ATL1: variants seen among roughly 807,000 people sequenced by gnomAD.
The protein encoded by ATL1 is atlastin GTPase 1, also known as atlastin-1.
A neutral mutation model predicts 75.5 loss-of-function variants in ATL1; 31 were observed. That is an observed-to-expected ratio of 0.41 (90% CI 0.31 to 0.55). ATL1 has a LOEUF of 0.55. Among genes scored for constraint, ATL1 ranks in the 20% least tolerant of loss-of-function variants. The pLI is 0.27. For missense variants in ATL1, 405 were observed against 662.6 expected, an observed-to-expected ratio of 0.61 and a Z score of 4.27; for synonymous variants, 226 against 233.3, an observed-to-expected ratio of 0.97 and a Z score of 0.28.
chr14:50,536,794 A>G (rs1388130469), intron 1 of ATL1, among the ~76,000 whole-genome samples: 1 of 152,158 alleles, frequency 6.6e-6, no homozygotes. Context: ...CTTGAGAGAG[A>G]AGATTTAGGG....
At chr14:50,584,470 G>A (rs1226981399) in intron 1 of ATL1, among the ~76,000 whole-genome samples, 6 of 152,274 alleles carry the variant, frequency 3.9e-5, no homozygotes, top group South Asian at 2.1e-4. Context: ...TTGGGAGGCC[G>A]AGGCGGGCAG....
At chr14:50,557,263 G>T (rs2038775860), upstream of ATL1, among the ~76,000 whole-genome samples, 1 of 152,152 alleles carries the variant, frequency 6.6e-6, no homozygotes. Context: ...TACACTTAGA[G>T]AAATATCAGT....
chr14:50,600,501 C>T (rs1250374526), intron 6 of ATL1, among the ~76,000 whole-genome samples: 2 of 151,800 alleles, frequency 1.3e-5, no homozygotes, highest in Non-Finnish European at 2.9e-5. Context: ...ATTAAAGCAA[C>T]CAAATCCAAA....
chr14:50,607,353 C>A (rs979383379), intron 6 of ATL1, among the ~76,000 whole-genome samples: 27 of 152,046 alleles, frequency 1.8e-4, no homozygotes, highest in African/African-American at 6.5e-4. Context: ...TTGAGCAAAG[C>A]CAACTGATGA....
chr14:50,551,475 A>C (rs2038702014), intron 1 of ATL1, among the ~76,000 whole-genome samples: 1 of 152,202 alleles, frequency 6.6e-6, no homozygotes, highest in Admixed American at 6.5e-5. Context: ...AATTCTACTG[A>C]AACTATTTCA....
chr14:50,611,178 T>TA (rs2039362649), intron 6 of ATL1, among the ~76,000 whole-genome samples: 1 of 152,104 alleles, frequency 6.6e-6, no homozygotes, highest in African/African-American at 2.4e-5. Context: ...TAATGTCACT[T>TA]AAGTGTCCCA....
intron 5 of ATL1, among the ~76,000 whole-genome samples, chr14:50,595,093 CT>C (rs1370003249): frequency 6.6e-5 from 10 of 151,846 alleles, no homozygotes; most frequent in African/African-American, 1.9e-4. Flanking sequence ...ATGCCTAATG[CT>C]TTTGTAGTAA....
At chr14:50,603,625 C>T (rs2039290882) in intron 6 of ATL1, among the ~76,000 whole-genome samples, 1 of 152,098 alleles carries the variant, frequency 6.6e-6, no homozygotes. Flanking sequence ...CCTTTATTCC[C>T]ATGATTTGAG....
upstream of ATL1, chr14:50,559,947 ATTTG>A (rs1334900235): frequency 2.0e-5 from 9 of 440,018 alleles, no homozygotes; most frequent in East Asian, 4.2e-5. Context: ...GGTGCTGTTT[ATTTG>A]TTTGTGTTTT....
intron 1 of ATL1, among the ~76,000 whole-genome samples, chr14:50,586,082 T>G (rs2039099057): frequency 6.6e-6 from 1 of 152,206 alleles, no homozygotes; most frequent in African/African-American, 2.4e-5. Flanking sequence ...TTATTTAAAA[T>G]TATGCCAAGA....
intron 1 of ATL1, among the ~76,000 whole-genome samples, chr14:50,574,115 T>C (rs1007784780): frequency 6.6e-6 from 1 of 152,170 alleles, no homozygotes; most frequent in African/African-American, 2.4e-5. Flanking sequence ...CACCTGGGAC[T>C]GAATATCCTT....
At chr14:50,631,285 C>CA (rs983052025) in intron 13 of ATL1, among the ~76,000 whole-genome samples, 35 of 147,514 alleles carry the variant, frequency 2.4e-4, no homozygotes, top group East Asian at 9.9e-4. Context: ...AAAACAAAAA[C>CA]AAAAAAAAAC....
At chr14:50,631,700 A>G (rs2039582980) in intron 13 of ATL1, among the ~76,000 whole-genome samples, 1 of 152,190 alleles carries the variant, frequency 6.6e-6, no homozygotes. Context: ...AGTCACGGAA[A>G]CAAGGCAAGA....
chr14:50,551,430 G>A (rs978254943), intron 1 of ATL1, among the ~76,000 whole-genome samples: 6 of 152,056 alleles, frequency 3.9e-5, no homozygotes, highest in Middle Eastern at 3.4e-3. Context: ...AGTCACAGCC[G>A]AATTGTATCA....
Position 50,560,165 on chromosome 14 carries a change from CCAGCGCGGG to C in ATL1, c.-98_-90del. On this transcript the variant is annotated 5_prime_UTR_variant, in exon 1 of 14. Transcript: ENST00000358385. Reference sequence around the variant, plus strand: ...TCCTCAGAGTCTGAGCGAACTGCGCCCAGCGCGGGCACGGAGCCTCCCACCGCCAGCAAC... The same window carrying C: ...TCCTCAGAGTCTGAGCGAACTGCGCCCACGGAGCCTCCCACCGCCAGCAAC... 1 of 1,431,810 alleles carries C rather than the reference CCAGCGCGGG, an allele frequency of 7.0e-7. No individual in the cohort carries two copies. Among genetic ancestry groups the C allele is most frequent in the South Asian group, 1.2e-5 (1 of 83,646 alleles). The allele number at this position is 1,431,810 out of a possible 1,614,324, so 88.7% of individuals were successfully genotyped here. A position where few individuals can be genotyped will look rare whatever the true frequency, so the allele number is the denominator to read the frequency against.
At chr14:50,556,742 T>G (rs185401227), upstream of ATL1, among the ~76,000 whole-genome samples, 899 of 152,360 alleles carry the variant, frequency 5.9e-3, 2 homozygotes, top group Non-Finnish European at 0.011. Flanking sequence ...TGGAATCATA[T>G]AATATGTGGT....
chr14:50,614,102 A>G (rs2039392054), intron 7 of ATL1, among the ~76,000 whole-genome samples: 1 of 152,144 alleles, frequency 6.6e-6, no homozygotes. Context: ...TTAAAACCCC[A>G]CTAATTTGTA....
intron 12 of ATL1, among the ~76,000 whole-genome samples, chr14:50,629,516 G>T (rs1266094710): frequency 6.6e-6 from 1 of 151,362 alleles, no homozygotes; most frequent in Non-Finnish European, 1.5e-5. Context: ...AGAAGGCGGA[G>T]GTTGCACTGA....
intron 11 of ATL1, among the ~76,000 whole-genome samples, chr14:50,626,697 A>G (rs990268446): frequency 1.3e-5 from 2 of 152,226 alleles, no homozygotes; most frequent in Non-Finnish European, 1.5e-5. Flanking sequence ...ATAATGTGTA[A>G]AGATCAAATC....
Sources: gnomAD v4.1 joint callset for allele counts (sites outside exome capture counted in the v4.1 genomes callset) on GRCh38, gnomAD v4.1.1 for gene constraint, MANE v1.5 for transcripts, NCBI Gene and HGNC (gene_info 2026-07-23, HGNC 2026-07-21) for gene names.